Variants in CTNNA2 observed in about 807,000 individuals in gnomAD.
CTNNA2 encodes catenin alpha 2.
In CTNNA2, 42 loss-of-function variants were observed where a neutral mutation model predicts 101.0. That is an observed-to-expected ratio of 0.42 (90% CI 0.32 to 0.54). The LOEUF (loss-of-function observed/expected upper bound fraction) is 0.54, where lower values mean the gene tolerates loss of function less well. Ranked by LOEUF, CTNNA2 falls within the 20% of genes least tolerant of loss-of-function variation. The pLI, the probability that CTNNA2 is intolerant of heterozygous loss-of-function variation, is 0.14. For missense variants in CTNNA2, 871 were observed against 1,223.1 expected (o/e 0.71, Z 4.29); for synonymous variants, 450 against 456.4 (o/e 0.99, Z 0.18).
chr2:79,902,627 TTC>T (rs1685137504), intron 6 of CTNNA2, among the ~76,000 whole-genome samples: 1 of 148,692 alleles, frequency 6.7e-6, no homozygotes, highest in African/African-American at 2.6e-5. Context: ...TTTCTTCCTC[TTC>T]TTTTTTTTTT....
At chr2:80,558,331 C>T (rs1693226770) in intron 12 of CTNNA2, among the ~76,000 whole-genome samples, 1 of 152,148 alleles carries the variant, frequency 6.6e-6, no homozygotes, top group South Asian at 2.1e-4. Context: ...GCTATTAACT[C>T]ACTGACTGCT....
chr2:80,250,272 A>C (rs373753091), intron 7 of CTNNA2, among the ~76,000 whole-genome samples: 8 of 151,920 alleles, frequency 5.3e-5, no homozygotes, highest in Admixed American at 1.3e-4. Context: ...TTGAATGACT[A>C]TAGGGAATCC....
intron 2 of CTNNA2, among the ~76,000 whole-genome samples, chr2:79,243,021 C>T (rs186335780): frequency 2.0e-5 from 3 of 149,138 alleles, no homozygotes; most frequent in African/African-American, 7.4e-5. Flanking sequence ...CACACACACA[C>T]ACACACACGT....
chr2:79,664,816 A>G (rs1303924842), intron 2 of CTNNA2, among the ~76,000 whole-genome samples: 1 of 140,492 alleles, frequency 7.1e-6, no homozygotes, highest in Non-Finnish European at 1.5e-5. Flanking sequence ...GGTTCATGCC[A>G]TTCTCCTGCC....
At chr2:80,138,234 G>T (rs896376204) in intron 7 of CTNNA2, among the ~76,000 whole-genome samples, 6 of 152,036 alleles carry the variant, frequency 3.9e-5, no homozygotes, top group African/African-American at 1.4e-4. Flanking sequence ...AAATCCTTTA[G>T]TGTTGCCTGA....
chr2:79,721,055 ATT>A (rs11290241), intron 2 of CTNNA2, among the ~76,000 whole-genome samples: 85 of 141,828 alleles, frequency 6.0e-4, no homozygotes, highest in Admixed American at 8.5e-4. Context: ...GAAAAGTATG[ATT>A]TTTTTTTTTT....
chr2:79,699,917 T>C (rs947895441), intron 2 of CTNNA2, among the ~76,000 whole-genome samples: 1 of 148,272 alleles, frequency 6.7e-6, no homozygotes, highest in Non-Finnish European at 1.5e-5. Flanking sequence ...TATGTGTGTA[T>C]ATATGTATAT....
At chr2:79,308,299 GC>G in intron 2 of CTNNA2, among the ~76,000 whole-genome samples, 1 of 152,086 alleles carries the variant, frequency 6.6e-6, no homozygotes, top group East Asian at 1.9e-4. Context: ...ACCCACCTCA[GC>G]CCCCCAAATT....
At chr2:80,304,224 G>A (rs1376085590) in intron 7 of CTNNA2, 3 of 160,514 alleles carry the variant, frequency 1.9e-5, no homozygotes, top group African/African-American at 4.8e-5. Context: ...CAGGGCGAGA[G>A]AAGACCCCTC....
intron 7 of CTNNA2, among the ~76,000 whole-genome samples, chr2:80,020,394 A>C (rs909899199): frequency 6.6e-6 from 1 of 152,140 alleles, no homozygotes; most frequent in African/African-American, 2.4e-5. Context: ...CTAGAAAGGG[A>C]AAGGAGAGGT....
chr2:80,237,073 TTCCCA>T (rs1490218734), intron 7 of CTNNA2, among the ~76,000 whole-genome samples: 1 of 152,190 alleles, frequency 6.6e-6, no homozygotes, highest in Non-Finnish European at 1.5e-5. Context: ...CAAGGATCCC[TTCCCA>T]TTGTCAGTCC....
At chr2:80,610,395 G>A (rs1284455206) in intron 17 of CTNNA2, among the ~76,000 whole-genome samples, 2 of 151,622 alleles carry the variant, frequency 1.3e-5, no homozygotes, top group East Asian at 3.9e-4. Flanking sequence ...CAATGATTTT[G>A]CCAAGAAAAT....
chr2:79,642,021 G>T (rs1680480868), intron 1 of CTNNA2, among the ~76,000 whole-genome samples: 1 of 152,242 alleles, frequency 6.6e-6, no homozygotes, highest in African/African-American at 2.4e-5. Flanking sequence ...TGAGGCTTTG[G>T]AGCTTTCTTT....
At position 80,137,762 on chromosome 2, in the gene CTNNA2, A is replaced by G. The variant is rs543345500; in HGVS notation, c.1056+227965A>G. Among the ~76,000 whole-genome samples the G allele has an allele frequency of 1.7e-3, 265 of 151,578 alleles. 2 individuals are homozygous for G. The highest frequency in any genetic ancestry group is 1.2e-3 in the East Asian group (6 of 5,116). ...TTTTTTTTTTCTAAGTTCCTTAGCC[A>G]TTCAGATAAACTAGGGCATTTCTAT... On this transcript the variant is annotated intron_variant, in intron 7 of 18. Coordinates refer to ENST00000402739, the MANE Select transcript of CTNNA2 (RefSeq NM_001282597.3).
intron 1 of CTNNA2, among the ~76,000 whole-genome samples, chr2:79,620,755 G>A (rs972971679): frequency 6.6e-6 from 1 of 152,072 alleles, no homozygotes; most frequent in East Asian, 1.9e-4. Context: ...TACAGTTTTG[G>A]TGTGCATAGG....
chr2:80,414,486 A>G (rs1679865162), intron 8 of CTNNA2, among the ~76,000 whole-genome samples: 1 of 152,006 alleles, frequency 6.6e-6, no homozygotes, highest in Non-Finnish European at 1.5e-5. Flanking sequence ...TCAGTATCTG[A>G]GTTCCTTTTC....
chr2:79,798,384 T>TC (rs2105285376), intron 3 of CTNNA2, among the ~76,000 whole-genome samples: 1 of 152,288 alleles, frequency 6.6e-6, no homozygotes, highest in African/African-American at 2.4e-5. Context: ...CTCATGGATC[T>TC]CCAAAATTTA....
chr2:79,356,764 C>A (rs1383290762), intron 3 of CTNNA2, among the ~76,000 whole-genome samples: 1 of 152,028 alleles, frequency 6.6e-6, no homozygotes, highest in African/African-American at 2.4e-5. Context: ...AAGATAGCAC[C>A]ATCCAGAACA....
chr2:80,380,636 A>T (rs567237537), intron 7 of CTNNA2, among the ~76,000 whole-genome samples: 6 of 152,236 alleles, frequency 3.9e-5, no homozygotes, highest in East Asian at 3.9e-4. Flanking sequence ...TATTGTGTGT[A>T]TTTTTTGTTT....
Sources: allele counts gnomAD v4.1 joint callset (sites outside exome capture counted in the v4.1 genomes callset), GRCh38; gene constraint gnomAD v4.1.1; transcripts MANE v1.5; gene names NCBI Gene and HGNC (gene_info 2026-07-23, HGNC 2026-07-21).